Variants in MPHOSPH9 observed in about 807,000 individuals in gnomAD.
The protein encoded by MPHOSPH9 is M-phase phosphoprotein 9.
Under a neutral mutation model 145.5 loss-of-function variants are expected in MPHOSPH9, and 88 were observed. The ratio of observed to expected loss-of-function variants is 0.60; its 90% CI spans 0.51 to 0.72. MPHOSPH9 has a LOEUF of 0.72. Ranked by LOEUF, MPHOSPH9 falls within the 30% of genes least tolerant of loss-of-function variation. The pLI, the probability that MPHOSPH9 is intolerant of heterozygous loss-of-function variation, is 0.00. For missense variants in MPHOSPH9, 1,238 were observed against 1,386.6 expected, an observed-to-expected ratio of 0.89 and a Z score of 1.70; for synonymous variants, 435 against 486.2, an observed-to-expected ratio of 0.89 and a Z score of 1.39.
chr12:123,159,329 A>G lies in MPHOSPH9; in HGVS notation c.3450+1452T>C, dbSNP rs2044005809. 6.6e-6 allele frequency among the ~76,000 whole-genome samples: 1 copy of G among 151,758 alleles called. No homozygotes were observed. The highest frequency in any genetic ancestry group is 1.5e-5 in the Non-Finnish European group (1 of 67,922). On this transcript the variant is annotated intron_variant, in intron 23 of 23. Transcript: ENST00000606320. This position sits in a 1 kb window ranked among gnomAD's most constrained non-coding sequence, Gnocchi z 4.3. ...CAGGCGTGCACTACCACGCCTGGCT[A>G]ATTTTTTGTATTTTTAGTAGAGATG...
At chr12:123,243,093 T>G (rs186247433) in intron 1 of MPHOSPH9, among the ~76,000 whole-genome samples, 1 of 152,338 alleles carries the variant, frequency 6.6e-6, no homozygotes, top group African/African-American at 2.4e-5. Context: ...TTTATCTTTT[T>G]CTAAGGTATT....
At chr12:123,214,858 T>G (rs1235803415) in intron 6 of MPHOSPH9, 24 bp from the exon 7 acceptor site, 1 of 1,581,662 alleles carries the variant, frequency 6.3e-7, no homozygotes, top group East Asian at 2.2e-5. Context: ...AACTATTGAT[T>G]GACAGCTAAA....
At chr12:123,187,544 G>C (rs956952713) in intron 13 of MPHOSPH9, among the ~76,000 whole-genome samples, 5 of 151,886 alleles carry the variant, frequency 3.3e-5, no homozygotes, top group Non-Finnish European at 1.5e-5. Context: ...CCAAGAAATA[G>C]GCAAAATAAT....
At chr12:123,208,816 C>A (rs76872194) in intron 8 of MPHOSPH9, among the ~76,000 whole-genome samples, 7,210 of 152,038 alleles carry the variant, frequency 0.047, 323 homozygotes, top group East Asian at 0.27. Flanking sequence ...ACCTCCCGGG[C>A]TCAAGTGATC....
chr12:123,187,200 G>A (rs897142308), intron 13 of MPHOSPH9, among the ~76,000 whole-genome samples: 2 of 151,808 alleles, frequency 1.3e-5, no homozygotes, highest in Non-Finnish European at 1.5e-5. Context: ...GGCAGAGGCC[G>A]CAGTAGCCAA....
chr12:123,235,805 T>G (rs2047841916), upstream of MPHOSPH9, among the ~76,000 whole-genome samples: 1 of 152,036 alleles, frequency 6.6e-6, no homozygotes, highest in African/African-American at 2.4e-5. Context: ...GGCTCATGCC[T>G]GTACTCCCAG....
At chr12:123,166,517 A>T in intron 17 of MPHOSPH9, 138 bp downstream of exon 17, 1 of 981,582 alleles carries the variant, frequency 1.0e-6, no homozygotes, top group Non-Finnish European at 1.6e-6. Context: ...GTAGCCTTTC[A>T]AAGTAAAATA....
At chr12:123,188,289 T>C (rs2045535906) in intron 13 of MPHOSPH9, among the ~76,000 whole-genome samples, 1 of 152,202 alleles carries the variant, frequency 6.6e-6, no homozygotes, top group African/African-American at 2.4e-5. Flanking sequence ...AGAATTATCA[T>C]ACACTACTGG....
chr12:123,182,879 A>C (rs1593120829), intron 13 of MPHOSPH9, among the ~76,000 whole-genome samples: 1 of 150,894 alleles, frequency 6.6e-6, no homozygotes, highest in African/African-American at 2.4e-5. Context: ...GCACCACCGC[A>C]CTCCAGCCTG....
chr12:123,208,814 G>A (rs1051999677), intron 8 of MPHOSPH9, among the ~76,000 whole-genome samples: 3 of 151,788 alleles, frequency 2.0e-5, no homozygotes, highest in African/African-American at 7.3e-5. Context: ...TGACCTCCCG[G>A]GCTCAAGTGA....
chr12:123,218,527 C>T lies in MPHOSPH9; in HGVS notation c.873-28G>A. On this transcript the variant is annotated intron_variant, in intron 5 of 23. Coordinates refer to ENST00000606320, the MANE Select transcript of MPHOSPH9 (RefSeq NM_022782.4). ...ATTTAAGAAGAGAAAACCAAAATTACTTTTTTTTTTTGTTTTGAGACAGAG... is the reference window on the plus strand; with the variant it reads ...ATTTAAGAAGAGAAAACCAAAATTATTTTTTTTTTTTGTTTTGAGACAGAG... 7 of 1,117,190 alleles carry T rather than the reference C, an allele frequency of 6.3e-6. No individual in the cohort carries two copies. In the South Asian group the frequency reaches 6.3e-5, roughly 10 times the overall value. The allele number at this position is 1,117,190 out of a possible 1,614,324, so 69.2% of individuals were successfully genotyped here. A position where few individuals can be genotyped will look rare whatever the true frequency, so the allele number is the denominator to read the frequency against.
intron 8 of MPHOSPH9, among the ~76,000 whole-genome samples, chr12:123,208,628 A>T (rs1038486631): frequency 1.1e-4 from 16 of 152,298 alleles, no homozygotes; most frequent in African/African-American, 3.8e-4. Context: ...GAGGTGTAAC[A>T]AATGAAAAAT....
At chr12:123,195,322 C>T (rs991119495) in intron 12 of MPHOSPH9, among the ~76,000 whole-genome samples, 4 of 151,992 alleles carry the variant, frequency 2.6e-5, no homozygotes, top group Non-Finnish European at 5.9e-5. Context: ...CACAGTAGCT[C>T]ACGCCTGTAA....
intron 1 of MPHOSPH9, among the ~76,000 whole-genome samples, chr12:123,241,137 GGTT>G (rs202129230): frequency 6.9e-6 from 1 of 144,154 alleles, no homozygotes; most frequent in Admixed American, 7.0e-5. Flanking sequence ...TTTTATTTGG[GGTT>G]GTTTTTTTTT....
chr12:123,152,405 CGACTCCAGCATCT>C, downstream of MPHOSPH9: 1 of 351,850 alleles, frequency 2.8e-6, no homozygotes, highest in Non-Finnish European at 5.6e-6. Context: ...TACAGCTTCA[CGACTCCAGCATCT>C]GGCTAGATTC....
At chr12:123,219,964 T>A (rs1039137324) in intron 5 of MPHOSPH9, among the ~76,000 whole-genome samples, 5 of 152,012 alleles carry the variant, frequency 3.3e-5, no homozygotes, top group Non-Finnish European at 7.4e-5. Flanking sequence ...GGGCATATGT[T>A]GTAAGACTAC....
Position 123,155,323 on chromosome 12 carries a change from G to A in MPHOSPH9, c.*1484C>T, listed in dbSNP as rs1482825194. ...AAAAGTTGCAGAGTAGGGAGCAAAG[G>A]TTCAACTGCACTGTCAGACAGGCCA... On this transcript the variant is annotated 3_prime_UTR_variant, in exon 24 of 24. Coordinates refer to ENST00000606320, the MANE Select transcript of MPHOSPH9 (RefSeq NM_022782.4). 1 of 152,342 alleles carries A rather than the reference G, an allele frequency of 6.6e-6. No homozygotes were observed. Among genetic ancestry groups the A allele is most frequent in the Admixed American group, 6.5e-5 (1 of 15,290 alleles). 9.4% of individuals were successfully genotyped at this position (152,342 alleles called of 1,614,324 possible).
intron 22 of MPHOSPH9, 52 bp downstream of exon 22, chr12:123,161,084 C>T (rs1440027298): frequency 6.3e-7 from 1 of 1,589,442 alleles, no homozygotes; most frequent in Non-Finnish European, 8.6e-7. Flanking sequence ...TCTCCTTAGA[C>T]ATAAGCATTA....
At chr12:123,160,577 G>T in intron 23 of MPHOSPH9, 1 of 532,256 alleles carries the variant, frequency 1.9e-6, no homozygotes, top group Non-Finnish European at 3.3e-6. Flanking sequence ...AAGTCTAAAG[G>T]TAAAATCAAT....
Sources: allele counts gnomAD v4.1 joint callset (sites outside exome capture counted in the v4.1 genomes callset), GRCh38; gene constraint gnomAD v4.1.1; non-coding constraint Gnocchi (gnomAD v3.1); transcripts MANE v1.5; gene names NCBI Gene and HGNC (gene_info 2026-07-23, HGNC 2026-07-21).